The following NWD2 variants were observed in gnomAD, a reference collection of about 807,000 sequenced individuals.
NWD2 encodes the protein NACHT and WD repeat domain-containing protein 2.
Under a neutral mutation model 132.7 loss-of-function variants are expected in NWD2, and 37 were observed. The observed-to-expected ratio is 0.28, with a 90% confidence interval of 0.21 to 0.37. The LOEUF is 0.37. Ranked by LOEUF, NWD2 falls within the 10% of genes least tolerant of loss-of-function variation. The pLI is 1.00. For missense variants in NWD2, 1,592 were observed against 2,122.4 expected, an observed-to-expected ratio of 0.75 and a Z score of 4.91; for synonymous variants, 705 against 803.0, an observed-to-expected ratio of 0.88 and a Z score of 2.06.
At chr4:37,369,632 T>C (rs1720175292) in intron 3 of NWD2, among the ~76,000 whole-genome samples, 1 of 152,182 alleles carries the variant, frequency 6.6e-6, no homozygotes, top group South Asian at 2.1e-4. Context: ...TTCCCTGTAT[T>C]GGTTTTCACT....
rs1577705920 is a variant in NWD2 at position 37,447,387 on chromosome 4, C to G, written c.*170C>G. Reference sequence around the variant, plus strand: ...CAAATAGGTTAGTCTTGGGTGTGGTCTTTTTGTCAAAGTGTATCCAGAATG... The same window carrying G: ...CAAATAGGTTAGTCTTGGGTGTGGTGTTTTTGTCAAAGTGTATCCAGAATG... On this transcript the variant is annotated 3_prime_UTR_variant, in exon 7 of 7. Coordinates refer to ENST00000309447, the MANE Select transcript of NWD2 (RefSeq NM_001144990.2). 3.3e-6 allele frequency: 2 copies of G among 600,084 alleles called. No individual in the cohort carries two copies. The highest frequency in any genetic ancestry group is 5.5e-5 in the East Asian group (2 of 36,072). The allele number at this position is 600,084 out of a possible 1,614,324, so 37.2% of individuals were successfully genotyped here. A position where few individuals can be genotyped will look rare whatever the true frequency, so the allele number is the denominator to read the frequency against.
chr4:37,403,209 A>T lies in NWD2; in HGVS notation c.358-27363A>T, dbSNP rs114433026. On this transcript the variant is annotated intron_variant, in intron 3 of 6. Transcript: ENST00000309447. ...AGGCATGAGAATGCAGTGATGAGCG[A>T]GACAGACAAGGACCCTTCATTCTGG... Among the ~76,000 whole-genome samples the T allele has an allele frequency of 7.3e-3, 1,106 of 152,354 alleles. 16 individuals are homozygous for T. Among genetic ancestry groups the T allele is most frequent in the African/African-American group, 0.025 (1,056 of 41,584 alleles).
At chr4:37,402,815 T>C (rs1202342971) in intron 3 of NWD2, among the ~76,000 whole-genome samples, 1 of 152,226 alleles carries the variant, frequency 6.6e-6, no homozygotes, top group Non-Finnish European at 1.5e-5. Flanking sequence ...CCCTAAACTT[T>C]CTACCAAGTC....
intron 2 of NWD2, among the ~76,000 whole-genome samples, chr4:37,332,761 T>C (rs1169616634): frequency 2.0e-5 from 3 of 152,130 alleles, no homozygotes; most frequent in Non-Finnish European, 4.4e-5. Flanking sequence ...TCGGCCACAG[T>C]AGGGTAGAGC....
At position 37,320,943 on chromosome 4, in the gene NWD2, A is replaced by C. The variant is rs142334296; in HGVS notation, c.152-4993A>C. On this transcript the variant is annotated intron_variant, in intron 1 of 6. Coordinates refer to ENST00000309447, the MANE Select transcript of NWD2 (RefSeq NM_001144990.2). ...GAGGCCAAGGTGGGCAGATCACATG[A>C]GGTCAGCAGTTCGAGACCAGCTGGC... Among the ~76,000 whole-genome samples, 1,390 of 152,256 alleles carry C rather than the reference A, an allele frequency of 9.1e-3. 7 individuals carry two copies. The highest frequency in any genetic ancestry group is 0.015 in the Non-Finnish European group (990 of 68,000).
At chr4:37,311,485 GT>G (rs1577663987) in intron 1 of NWD2, among the ~76,000 whole-genome samples, 1 of 150,598 alleles carries the variant, frequency 6.6e-6, no homozygotes, top group Admixed American at 6.6e-5. Context: ...GGGGTTGTTT[GT>G]TTTTTTCTTG....
At chr4:37,357,994 G>T (rs183217276) in intron 3 of NWD2, among the ~76,000 whole-genome samples, 4 of 152,260 alleles carry the variant, frequency 2.6e-5, no homozygotes, top group African/African-American at 2.4e-5. Context: ...AGTATGAATA[G>T]GGAGGAGGGC....
chr4:37,402,521 G>T (rs1046296446), intron 3 of NWD2, among the ~76,000 whole-genome samples: 1 of 152,136 alleles, frequency 6.6e-6, no homozygotes, highest in African/African-American at 2.4e-5. Context: ...AGACAATGTG[G>T]ATTCATTTTC....
chr4:37,339,782 A>G (rs1168012286), intron 2 of NWD2, among the ~76,000 whole-genome samples: 5 of 152,148 alleles, frequency 3.3e-5, no homozygotes, highest in Non-Finnish European at 7.4e-5. Flanking sequence ...CCCAAATAGT[A>G]TATATTGTAC....
chr4:37,321,564 C>T (rs1403142803), intron 1 of NWD2, among the ~76,000 whole-genome samples: 1 of 152,194 alleles, frequency 6.6e-6, no homozygotes, highest in Non-Finnish European at 1.5e-5. Flanking sequence ...AGACATACCT[C>T]ATCTTTGATT....
chr4:37,303,522 T>A (rs891516015), intron 1 of NWD2, among the ~76,000 whole-genome samples: 2 of 152,212 alleles, frequency 1.3e-5, no homozygotes, highest in Admixed American at 1.3e-4. Context: ...AGAGATTACA[T>A]TGAATCTGTA....
chr4:37,375,775 G>C (rs185608452), intron 3 of NWD2, among the ~76,000 whole-genome samples: 1 of 152,036 alleles, frequency 6.6e-6, no homozygotes, highest in Non-Finnish European at 1.5e-5. Context: ...CACCGTGTTA[G>C]CCAGGATGGT....
In NWD2 at chr4:37,278,174, T is replaced by G. The variant is rs1718062704; in HGVS notation, c.151+32956T>G. On this transcript the variant is annotated intron_variant, in intron 1 of 6. Transcript: ENST00000309447. ...TTTAAATCTTGCTCTAACTTTTATC[T>G]GTGCCCTTTAAGGTCCATTTACATA... Among the ~76,000 whole-genome samples, 5 of 152,274 alleles carry G rather than the reference T, an allele frequency of 3.3e-5. No individual in the cohort carries two copies. In the South Asian group the frequency reaches 8.3e-4, roughly 25 times the overall value.
chr4:37,400,415 G>T (rs1267132931), intron 3 of NWD2, among the ~76,000 whole-genome samples: 1 of 152,224 alleles, frequency 6.6e-6, no homozygotes, highest in Non-Finnish European at 1.5e-5. Flanking sequence ...TCTGTAGTCA[G>T]AAAATTGGAG....
At chr4:37,304,569 T>G (rs1718670984) in intron 1 of NWD2, among the ~76,000 whole-genome samples, 1 of 152,212 alleles carries the variant, frequency 6.6e-6, no homozygotes, top group Non-Finnish European at 1.5e-5. Context: ...GGTACAGGCA[T>G]TGGGTAAATG....
At chr4:37,300,599 A>G (rs1718593987) in intron 1 of NWD2, among the ~76,000 whole-genome samples, 1 of 152,140 alleles carries the variant, frequency 6.6e-6, no homozygotes, top group Non-Finnish European at 1.5e-5. Flanking sequence ...ATTATTTTGT[A>G]CAAAATATGA....
At chr4:37,247,490 C>G (rs558536913) in intron 1 of NWD2, among the ~76,000 whole-genome samples, 1 of 152,324 alleles carries the variant, frequency 6.6e-6, no homozygotes, top group African/African-American at 2.4e-5. Flanking sequence ...CAGCAATACT[C>G]AGAACCCAGC....
chr4:37,446,686 C>T lies in NWD2; in HGVS notation c.4698C>T (p.Ile1566=), dbSNP rs1712645247. Reference sequence around the variant, plus strand: ...TGCGGGTGGTTCACGCCTCTGGGATCATCTGGCGGCAGAGGTTGTCTCGGG... The same window carrying T: ...TGCGGGTGGTTCACGCCTCTGGGATTATCTGGCGGCAGAGGTTGTCTCGGG... The part of the protein sequence containing the change: ...GKLRVVHASG[I]IWRQRLSRDG... Residue 1566 remains isoleucine (I), a synonymous_variant, in exon 7 of 7, where the codon ATC becomes ATT. Transcript: ENST00000309447. This position sits in a 1 kb window ranked among gnomAD's most constrained non-coding sequence, Gnocchi z 6.7. The T allele has an allele frequency of 6.4e-7, 1 of 1,550,948 alleles. No individual in the cohort carries two copies. The highest frequency in any genetic ancestry group is 2.0e-5 in the Admixed American group (1 of 50,910).
At chr4:37,366,721 ATAG>A (rs1720106543) in intron 3 of NWD2, among the ~76,000 whole-genome samples, 2 of 152,148 alleles carry the variant, frequency 1.3e-5, no homozygotes, top group South Asian at 4.1e-4. Context: ...TCAATATCAT[ATAG>A]TAGGTTTTAA....
Sources: allele counts gnomAD v4.1 joint callset (sites outside exome capture counted in the v4.1 genomes callset), GRCh38; gene constraint gnomAD v4.1.1; non-coding constraint Gnocchi (gnomAD v3.1); transcripts MANE v1.5; gene names NCBI Gene and HGNC (gene_info 2026-07-23, HGNC 2026-07-21).